NR6A1: variants seen among roughly 807,000 people sequenced by gnomAD.
The protein encoded by NR6A1 is nuclear receptor subfamily 6 group A member 1.
A neutral mutation model predicts 59.1 loss-of-function variants in NR6A1; 7 were observed. That is an observed-to-expected ratio of 0.12 (90% CI 0.07 to 0.22). The LOEUF is 0.22. Among genes scored for constraint, NR6A1 ranks in the 10% least tolerant of loss-of-function variants. The pLI, the probability that NR6A1 is intolerant of heterozygous loss-of-function variation, is 1.00. For missense variants in NR6A1, 468 were observed against 611.6 expected (o/e 0.77, Z 2.48); for synonymous variants, 243 against 236.1 (o/e 1.03, Z -0.27).
intron 2 of NR6A1, among the ~76,000 whole-genome samples, chr9:124,590,176 G>A (rs917386011): frequency 2.7e-5 from 4 of 150,354 alleles, no homozygotes; most frequent in Non-Finnish European, 5.9e-5. Flanking sequence ...TGGTAAATAG[G>A]ATGCTAACAG....
intron 2 of NR6A1, among the ~76,000 whole-genome samples, chr9:124,652,532 T>A (rs1837136310): frequency 6.6e-6 from 1 of 152,174 alleles, no homozygotes. Flanking sequence ...GCATGGCTCA[T>A]AGCAGACAAC....
chr9:124,669,182 GA>G (rs1341452125), intron 2 of NR6A1, among the ~76,000 whole-genome samples: 4 of 152,066 alleles, frequency 2.6e-5, no homozygotes, highest in Admixed American at 1.3e-4. Flanking sequence ...CACCATTGGA[GA>G]AAAAAACTGA....
At chr9:124,682,830 G>A (rs1324015147) in intron 2 of NR6A1, among the ~76,000 whole-genome samples, 1 of 152,090 alleles carries the variant, frequency 6.6e-6, no homozygotes, top group Non-Finnish European at 1.5e-5. Flanking sequence ...AGATCTTAGG[G>A]GTCCTGATTC....
At chr9:124,750,179 T>C (rs887264137) in intron 1 of NR6A1, among the ~76,000 whole-genome samples, 1 of 152,240 alleles carries the variant, frequency 6.6e-6, no homozygotes, top group East Asian at 1.9e-4. Flanking sequence ...TTCTAGTTTA[T>C]ATTATTCACT....
intron 3 of NR6A1, among the ~76,000 whole-genome samples, chr9:124,545,681 C>T (rs1207911296): frequency 6.6e-6 from 1 of 152,182 alleles, no homozygotes; most frequent in African/African-American, 2.4e-5. Flanking sequence ...TGGAATACAA[C>T]ACCAAATGTA....
chr9:124,660,858 G>A (rs1199661092), intron 2 of NR6A1, among the ~76,000 whole-genome samples: 1 of 152,036 alleles, frequency 6.6e-6, no homozygotes, highest in Non-Finnish European at 1.5e-5. Context: ...TTGATTAGCT[G>A]TACACTCTGG....
At chr9:124,615,899 A>G (rs1040475723) in intron 2 of NR6A1, among the ~76,000 whole-genome samples, 2 of 152,028 alleles carry the variant, frequency 1.3e-5, no homozygotes, top group Middle Eastern at 3.4e-3. Context: ...CAGTGGCACA[A>G]TCTCCGCTCA....
intron 2 of NR6A1, among the ~76,000 whole-genome samples, chr9:124,701,254 CTT>C: frequency 6.6e-6 from 1 of 152,296 alleles, no homozygotes; most frequent in African/African-American, 2.4e-5. Context: ...TTTTGACAGT[CTT>C]TTCGATTACA....
chr9:124,686,286 G>GAGTT (rs1442349600), intron 2 of NR6A1, among the ~76,000 whole-genome samples: 1 of 152,188 alleles, frequency 6.6e-6, no homozygotes, highest in East Asian at 1.9e-4. Context: ...AGGAAAGATT[G>GAGTT]AGTTCTTTGG....
chr9:124,705,180 T>A (rs1275327010), intron 2 of NR6A1, among the ~76,000 whole-genome samples: 1 of 152,252 alleles, frequency 6.6e-6, no homozygotes, highest in East Asian at 1.9e-4. Context: ...GCATAAAGTG[T>A]TCAATAAATG....
Position 124,701,895 on chromosome 9 carries a change from T to C in NR6A1, c.142+31413A>G, listed in dbSNP as rs144856329. The stretch of plus-strand genomic sequence containing the variant: ...CCTGCCACCACGCCCAGGTAGTTTT[T>C]TGTATTTTTAGTAGAGATGGGGTTT... On this transcript the variant is annotated intron_variant, in intron 2 of 9. Transcript: ENST00000487099. 4.4e-3 allele frequency among the ~76,000 whole-genome samples: 664 copies of C among 152,254 alleles called. 5 individuals are homozygous for C. Among genetic ancestry groups the C allele is most frequent in the African/African-American group, 0.015 (618 of 41,550 alleles).
At position 124,522,384 on chromosome 9, in the gene NR6A1, A is replaced by G. The variant is rs563138309; in HGVS notation, c.*321T>C. The G allele has an allele frequency of 4.3e-5, 8 of 186,998 alleles. No individual in the cohort carries two copies. In the East Asian group the frequency reaches 9.2e-4, roughly 21 times the overall value. 11.6% of individuals were successfully genotyped at this position (186,998 alleles called of 1,614,324 possible). Reference sequence around the variant, plus strand: ...TCCCACCCTCTCCCTCAAAATACAAAAGAACTATTTCTAAACAATGACAAC... The same window carrying G: ...TCCCACCCTCTCCCTCAAAATACAAGAGAACTATTTCTAAACAATGACAAC... On this transcript the variant is annotated 3_prime_UTR_variant, in exon 10 of 10. Transcript: ENST00000487099.
chr9:124,592,679 C>T (rs951981599), intron 2 of NR6A1, among the ~76,000 whole-genome samples: 2 of 152,182 alleles, frequency 1.3e-5, no homozygotes, highest in Non-Finnish European at 2.9e-5. Context: ...CAGGTCTCCC[C>T]GCCTCCCCTT....
intron 2 of NR6A1, among the ~76,000 whole-genome samples, chr9:124,666,755 C>A (rs953742737): frequency 2.0e-5 from 3 of 152,128 alleles, no homozygotes; most frequent in Non-Finnish European, 2.9e-5. Context: ...GTTCTAGGCA[C>A]CAGGCACACA....
At chr9:124,597,256 T>TA (rs1477529301) in intron 2 of NR6A1, among the ~76,000 whole-genome samples, 2 of 151,918 alleles carry the variant, frequency 1.3e-5, no homozygotes, top group Admixed American at 6.6e-5. Context: ...TACCCCATCA[T>TA]AAATACACTG....
chr9:124,583,179 A>G (rs997836444), intron 2 of NR6A1, among the ~76,000 whole-genome samples: 1 of 152,048 alleles, frequency 6.6e-6, no homozygotes, highest in African/African-American at 2.4e-5. Context: ...TAGAAAACCA[A>G]AAGAAACCTT....
chr9:124,572,556 T>A (rs1834468594), intron 2 of NR6A1, among the ~76,000 whole-genome samples: 1 of 152,180 alleles, frequency 6.6e-6, no homozygotes, highest in South Asian at 2.1e-4. Context: ...ATGAAGAAAG[T>A]GAGAATCAAA....
chr9:124,707,183 T>C (rs547394976), intron 2 of NR6A1, among the ~76,000 whole-genome samples: 72 of 152,262 alleles, frequency 4.7e-4, no homozygotes, highest in Non-Finnish European at 8.8e-4. Flanking sequence ...TCTGTTCCTT[T>C]TTCCTCAATC....
chr9:124,549,234 T>C (rs1008550382), intron 3 of NR6A1, among the ~76,000 whole-genome samples: 6 of 128,270 alleles, frequency 4.7e-5, no homozygotes, highest in Admixed American at 6.7e-5. Context: ...AAGGGGTGGA[T>C]GTTTAAACCC....
Sources: gnomAD v4.1 joint callset for allele counts (sites outside exome capture counted in the v4.1 genomes callset) on GRCh38, gnomAD v4.1.1 for gene constraint, MANE v1.5 for transcripts, NCBI Gene and HGNC (gene_info 2026-07-23, HGNC 2026-07-21) for gene names.